Variants in XRRA1 observed in about 807,000 individuals in gnomAD.
XRRA1 encodes X-ray radiation resistance-associated protein 1.
In XRRA1, 69 loss-of-function variants were observed where a neutral mutation model predicts 80.2. The ratio of observed to expected loss-of-function variants is 0.86; its 90% CI spans 0.71 to 1.05. The LOEUF is 1.05. XRRA1 is among the 50% of genes least tolerant of loss of function. The pLI, the probability that XRRA1 is intolerant of heterozygous loss-of-function variation, is 0.00. For missense variants in XRRA1, 967 were observed against 976.4 expected, an observed-to-expected ratio of 0.99 and a Z score of 0.13; for synonymous variants, 348 against 389.9, an observed-to-expected ratio of 0.89 and a Z score of 1.27.
intron 2 of XRRA1, among the ~76,000 whole-genome samples, chr11:74,941,253 C>A (rs1349264084): frequency 6.6e-6 from 1 of 151,842 alleles, no homozygotes; most frequent in Non-Finnish European, 1.5e-5. Flanking sequence ...ATAATACCTA[C>A]CTTAAAAGAC....
intron 1 of XRRA1, among the ~76,000 whole-genome samples, chr11:74,946,334 A>G (rs1947519617): frequency 6.6e-6 from 1 of 151,998 alleles, no homozygotes; most frequent in Non-Finnish European, 1.5e-5. Context: ...CATAATCCCC[A>G]TGTGTTGAGA....
At chr11:74,930,142 G>C (rs1943171180) in intron 6 of XRRA1, among the ~76,000 whole-genome samples, 158 bp downstream of exon 6, 1 of 152,180 alleles carries the variant, frequency 6.6e-6, no homozygotes, top group Non-Finnish European at 1.5e-5. Context: ...AGCAGGACTG[G>C]AATCGAGGTC....
chr11:74,943,456 G>A (rs1215652786), intron 2 of XRRA1, among the ~76,000 whole-genome samples: 1 of 151,494 alleles, frequency 6.6e-6, no homozygotes, highest in Admixed American at 6.6e-5. Context: ...AACACAAATG[G>A]TTACAGAAGT....
chr11:74,899,605 C>G (rs185768190), intron 10 of XRRA1, among the ~76,000 whole-genome samples: 5 of 152,166 alleles, frequency 3.3e-5, no homozygotes, highest in Admixed American at 3.3e-4. Flanking sequence ...TTCAGAGGAT[C>G]ATAAGTGGCT....
chr11:74,846,954 T>C (rs2038384129), intron 15 of XRRA1, among the ~76,000 whole-genome samples: 1 of 151,502 alleles, frequency 6.6e-6, no homozygotes, highest in African/African-American at 2.4e-5. Flanking sequence ...TGGTGACTCA[T>C]AATTGATTGT....
intron 10 of XRRA1, among the ~76,000 whole-genome samples, chr11:74,868,053 CTG>C (rs1445976360): frequency 6.6e-6 from 1 of 150,466 alleles, no homozygotes; most frequent in Non-Finnish European, 1.5e-5. Flanking sequence ...TCCCAAGTAA[CTG>C]GGATTACAAG....
intron 10 of XRRA1, among the ~76,000 whole-genome samples, chr11:74,874,987 C>T (rs958018291): frequency 6.6e-6 from 1 of 152,190 alleles, no homozygotes; most frequent in African/African-American, 2.4e-5. Flanking sequence ...ATAGCTCTTA[C>T]AAGAACACTT....
intron 12 of XRRA1, among the ~76,000 whole-genome samples, chr11:74,854,613 A>T (rs2135683708): frequency 6.6e-6 from 1 of 152,274 alleles, no homozygotes; most frequent in East Asian, 1.9e-4. Context: ...GATTTTTTTC[A>T]ATCATTAAAA....
At chr11:74,888,230 G>A (rs1199088194) in intron 10 of XRRA1, among the ~76,000 whole-genome samples, 1 of 152,158 alleles carries the variant, frequency 6.6e-6, no homozygotes, top group East Asian at 1.9e-4. Context: ...AAAACTTCCA[G>A]AGGAACGATC....
chr11:74,869,734 G>T (rs915509615), intron 10 of XRRA1, among the ~76,000 whole-genome samples: 3 of 152,036 alleles, frequency 2.0e-5, no homozygotes, highest in African/African-American at 7.2e-5. Context: ...GGCACACCTG[G>T]TCCAACCAAT....
intron 10 of XRRA1, among the ~76,000 whole-genome samples, chr11:74,867,155 C>T (rs1000564360): frequency 1.3e-5 from 2 of 152,162 alleles, no homozygotes; most frequent in Admixed American, 1.3e-4. Flanking sequence ...CAGACAAGAA[C>T]TCTGGCAAAT....
chr11:74,901,107 C>G (rs1459097328), intron 10 of XRRA1, among the ~76,000 whole-genome samples: 1 of 152,158 alleles, frequency 6.6e-6, no homozygotes, highest in African/African-American at 2.4e-5. Flanking sequence ...AGTAAAGTTT[C>G]AGGACTCGAA....
At chr11:74,883,289 C>A (rs12282599) in intron 10 of XRRA1, among the ~76,000 whole-genome samples, 1,761 of 152,324 alleles carry the variant, frequency 0.012, 46 homozygotes, top group African/African-American at 0.04. Context: ...TGCCGTCCGT[C>A]ACCCCTTTCT....
intron 8 of XRRA1, chr11:74,911,428 A>G (rs1222371121): frequency 2.6e-5 from 4 of 152,194 alleles, no homozygotes; most frequent in African/African-American, 9.7e-5. Flanking sequence ...TGATGCAGGT[A>G]GGAATACATT....
rs1591518723 is a variant in XRRA1, at chr11:74,930,376, T to C, written c.352-4A>G. 1 of 1,539,850 alleles carries C rather than the reference T, an allele frequency of 6.5e-7. No homozygotes were observed. The highest frequency in any genetic ancestry group is 8.7e-7 in the Non-Finnish European group (1 of 1,144,742). On this transcript the variant is annotated splice_polypyrimidine_tract_variant and splice_region_variant and intron_variant, in intron 5 of 18. Transcript: ENST00000684022. Reference sequence around the variant, plus strand: ...GCTTGAAGTCATTTTCCTTGGCCTGTAGGAAAGCATTTCAGAAAAAAAAAA... The same window carrying C: ...GCTTGAAGTCATTTTCCTTGGCCTGCAGGAAAGCATTTCAGAAAAAAAAAA...
chr11:74,922,998 A>G (rs1941281169), intron 7 of XRRA1, among the ~76,000 whole-genome samples: 1 of 152,148 alleles, frequency 6.6e-6, no homozygotes. Flanking sequence ...AGCTAAATAC[A>G]TGTATATGTT....
At chr11:74,879,005 T>C (rs2046792581) in intron 10 of XRRA1, among the ~76,000 whole-genome samples, 1 of 148,828 alleles carries the variant, frequency 6.7e-6, no homozygotes, top group African/African-American at 2.5e-5. Context: ...GTGAAGAAAG[T>C]CATTGGTAGC....
intron 7 of XRRA1, among the ~76,000 whole-genome samples, chr11:74,921,894 C>T (rs1032320493): frequency 5.6e-4 from 86 of 152,286 alleles, no homozygotes; most frequent in African/African-American, 1.9e-3. Context: ...GGGTCAAGTG[C>T]CATGCCACTG....
intron 15 of XRRA1, among the ~76,000 whole-genome samples, chr11:74,847,816 C>T (rs1021163780): frequency 6.6e-6 from 1 of 152,210 alleles, no homozygotes; most frequent in Non-Finnish European, 1.5e-5. Flanking sequence ...GTACAGGCAG[C>T]AGCAAACCCC....
Sources: gnomAD v4.1 joint callset for allele counts (sites outside exome capture counted in the v4.1 genomes callset) on GRCh38, gnomAD v4.1.1 for gene constraint, MANE v1.5 for transcripts, NCBI Gene and HGNC (gene_info 2026-07-23, HGNC 2026-07-21) for gene names.